Variants in PDE4D observed in about 807,000 individuals in gnomAD.
PDE4D encodes the protein 3',5'-cyclic-AMP phosphodiesterase 4D.
Under a neutral mutation model 87.4 loss-of-function variants are expected in PDE4D, and 24 were observed. That is an observed-to-expected ratio of 0.27 (90% confidence interval 0.20 to 0.39). The LOEUF is 0.39. Among genes scored for constraint, PDE4D ranks in the 10% least tolerant of loss-of-function variants. The pLI is 1.00. For missense variants in PDE4D, 714 were observed against 1,041.0 expected (o/e 0.69, Z 4.32); for synonymous variants, 384 against 383.2 (o/e 1.00, Z -0.02).
intron 5 of PDE4D, among the ~76,000 whole-genome samples, chr5:59,150,098 T>C (rs1779265966): frequency 6.6e-6 from 1 of 152,166 alleles, no homozygotes. Flanking sequence ...GAGGAATATG[T>C]TATAGTGTGG....
At chr5:59,796,577 A>C (rs1384756963) in intron 1 of PDE4D, among the ~76,000 whole-genome samples, 1 of 152,234 alleles carries the variant, frequency 6.6e-6, no homozygotes, top group African/African-American at 2.4e-5. Context: ...ACACACAGTG[A>C]CTATTAACTG....
In PDE4D at chr5:59,796,282, C is replaced by T. The variant is rs577815062; in HGVS notation, c.455+96886G>A. 5.9e-5 allele frequency among the ~76,000 whole-genome samples: 9 copies of T among 152,190 alleles called. No individual in the cohort carries two copies. The South Asian group carries it at 1.9e-3, about 32-fold the overall frequency. On this transcript the variant is annotated intron_variant, in intron 1 of 14. Coordinates refer to ENST00000340635, the MANE Select transcript of PDE4D (RefSeq NM_001104631.2). ...AGAAACACAAAAGCCTGTAGAAATCCAATTATACAAATTTACAGTCTAGAA... is the reference window on the plus strand; with the variant it reads ...AGAAACACAAAAGCCTGTAGAAATCTAATTATACAAATTTACAGTCTAGAA...
intron 1 of PDE4D, among the ~76,000 whole-genome samples, chr5:59,694,184 A>C (rs1485328864): frequency 6.6e-6 from 1 of 152,204 alleles, no homozygotes; most frequent in African/African-American, 2.4e-5. Flanking sequence ...ATGAAACAAA[A>C]CAAAACTTTA....
chr5:59,596,355 A>G (rs1826683180), intron 1 of PDE4D, among the ~76,000 whole-genome samples: 1 of 151,710 alleles, frequency 6.6e-6, no homozygotes, highest in Non-Finnish European at 1.5e-5. Flanking sequence ...AAAGAAACAC[A>G]CAAGGAAGAC....
chr5:60,114,593 A>G (rs1160904449), intron 2 of PDE4D, among the ~76,000 whole-genome samples: 2 of 152,106 alleles, frequency 1.3e-5, no homozygotes, highest in Non-Finnish European at 2.9e-5. Flanking sequence ...AATGGTGGAC[A>G]GGATATACTA....
chr5:59,248,487 G>A (rs1231778931), intron 1 of PDE4D, among the ~76,000 whole-genome samples: 1 of 151,818 alleles, frequency 6.6e-6, no homozygotes, highest in Non-Finnish European at 1.5e-5. Context: ...TTATCATTTT[G>A]TCTTATGCTA....
At chr5:59,368,746 T>A (rs1783480376) in intron 1 of PDE4D, among the ~76,000 whole-genome samples, 1 of 152,156 alleles carries the variant, frequency 6.6e-6, no homozygotes, top group Admixed American at 6.5e-5. Context: ...CACATTCAGT[T>A]GAACAATTGA....
chr5:59,609,373 T>C (rs991495410), intron 1 of PDE4D, among the ~76,000 whole-genome samples: 9 of 31,280 alleles, frequency 2.9e-4, no homozygotes, highest in Middle Eastern at 0.034. Context: ...CTAATTTGTA[T>C]ATGTACACAC....
intron 3 of PDE4D, among the ~76,000 whole-genome samples, chr5:59,977,298 T>G (rs1761437256): frequency 6.6e-6 from 1 of 152,218 alleles, no homozygotes; most frequent in Non-Finnish European, 1.5e-5. Flanking sequence ...ACAGCCTTAT[T>G]GATAATGTGG....
chr5:59,492,041 T>C (rs1036427942), intron 1 of PDE4D, among the ~76,000 whole-genome samples: 2 of 152,184 alleles, frequency 1.3e-5, no homozygotes, highest in Non-Finnish European at 2.9e-5. Flanking sequence ...AGAAATCTAC[T>C]GCACACAGGT....
chr5:60,289,924 A>AT (rs1393592573), intron 1 of PDE4D, among the ~76,000 whole-genome samples: 2 of 152,088 alleles, frequency 1.3e-5, no homozygotes, highest in Admixed American at 6.5e-5. Context: ...CACTGAATTG[A>AT]TTTTTCCTAA....
chr5:60,194,556 G>A (rs1740982955), intron 1 of PDE4D, among the ~76,000 whole-genome samples: 1 of 151,658 alleles, frequency 6.6e-6, no homozygotes. Context: ...TCAGAACTTT[G>A]AGGACAGGTA....
intron 1 of PDE4D, among the ~76,000 whole-genome samples, chr5:59,844,472 G>A (rs554022960): frequency 1.3e-5 from 2 of 152,114 alleles, no homozygotes; most frequent in East Asian, 3.9e-4. Flanking sequence ...TTGTAAACAG[G>A]TATTTTAATA....
At chr5:59,989,850 G>T (rs1221932107) in intron 2 of PDE4D, among the ~76,000 whole-genome samples, 1 of 152,080 alleles carries the variant, frequency 6.6e-6, no homozygotes, top group Non-Finnish European at 1.5e-5. Flanking sequence ...TTGGGTTTTT[G>T]AATCTTTGCA....
chr5:59,391,303 C>T (rs58410948), intron 1 of PDE4D, among the ~76,000 whole-genome samples: 2,129 of 152,230 alleles, frequency 0.014, 56 homozygotes, highest in African/African-American at 0.049. Context: ...TATGATAGAA[C>T]AAATTATCTA....
chr5:59,588,218 A>G (rs1825465452), intron 1 of PDE4D, among the ~76,000 whole-genome samples: 1 of 152,168 alleles, frequency 6.6e-6, no homozygotes, highest in African/African-American at 2.4e-5. Flanking sequence ...TGCAATCCCT[A>G]TCACTGATGT....
At chr5:59,443,965 G>T (rs1797999052) in intron 1 of PDE4D, among the ~76,000 whole-genome samples, 1 of 152,146 alleles carries the variant, frequency 6.6e-6, no homozygotes, top group Non-Finnish European at 1.5e-5. Flanking sequence ...GTACAAGAGG[G>T]TAACACTAAG....
At chr5:60,493,586 ATTCATTC>A (rs1749651658) in intron 1 of PDE4D, among the ~76,000 whole-genome samples, 1 of 23,408 alleles carries the variant, frequency 4.3e-5, no homozygotes, top group Admixed American at 5.8e-4. Flanking sequence ...ATACACAATC[ATTCATTC>A]ATTCATTCAT....
At chr5:59,159,971 C>T (rs1780802046) in intron 5 of PDE4D, among the ~76,000 whole-genome samples, 1 of 152,142 alleles carries the variant, frequency 6.6e-6, no homozygotes, top group South Asian at 2.1e-4. Context: ...AGATCATTAG[C>T]TCCTAAGTGC....
Sources: gnomAD v4.1 joint callset for allele counts (sites outside exome capture counted in the v4.1 genomes callset) on GRCh38, gnomAD v4.1.1 for gene constraint, MANE v1.5 for transcripts, NCBI Gene and HGNC (gene_info 2026-07-23, HGNC 2026-07-21) for gene names.